DPP6: variants seen among roughly 807,000 people sequenced by gnomAD.
DPP6 encodes dipeptidyl peptidase like 6, also known as A-type potassium channel modulatory protein DPP6.
Under a neutral mutation model 122.6 loss-of-function variants are expected in DPP6, and 69 were observed. The ratio of observed to expected loss-of-function variants is 0.56; its 90% CI spans 0.46 to 0.69. The LOEUF (loss-of-function observed/expected upper bound fraction) is 0.69. Ranked by LOEUF, DPP6 falls within the 30% of genes least tolerant of loss-of-function variation. The pLI is 0.00. For missense variants in DPP6, 928 were observed against 1,116.9 expected (o/e 0.83, Z 2.41); for synonymous variants, 418 against 433.1 (o/e 0.97, Z 0.43).
In DPP6 at chr7:154,727,463, C is replaced by T. The variant is rs868654264; in HGVS notation, c.763-304C>T. ...ATTACAATTTGACATGAGATTTGGA[C>T]GGGGACACAAATCCAAACCATATCA... On this transcript the variant is annotated intron_variant, in intron 7 of 25. Transcript: ENST00000377770. Among the ~76,000 whole-genome samples, 59 of 152,144 alleles carry T rather than the reference C, an allele frequency of 3.9e-4. 1 individual carries two copies. The highest frequency in any genetic ancestry group is 1.3e-3 in the African/African-American group (55 of 41,420).
At chr7:154,055,719 C>G (rs1800768933) in intron 1 of DPP6, 1 of 152,206 alleles carries the variant, frequency 6.6e-6, no homozygotes, top group Non-Finnish European at 1.5e-5. Flanking sequence ...GTGCTGAAAC[C>G]TTCTCTTGGC....
chr7:154,336,508 C>G (rs895957821), intron 1 of DPP6, among the ~76,000 whole-genome samples: 1 of 152,214 alleles, frequency 6.6e-6, no homozygotes, highest in African/African-American at 2.4e-5. Flanking sequence ...TCCCGCAACA[C>G]TGGTACCATA....
intron 1 of DPP6, among the ~76,000 whole-genome samples, chr7:154,204,797 G>GTGTGTGTA (rs1353743054): frequency 6.6e-6 from 1 of 151,952 alleles, no homozygotes; most frequent in African/African-American, 2.4e-5. Context: ...GTGTGTGTGT[G>GTGTGTGTA]TCTGTACGTG....
chr7:154,164,259 TC>T (rs1797130010), intron 1 of DPP6, among the ~76,000 whole-genome samples: 1 of 140,376 alleles, frequency 7.1e-6, no homozygotes, highest in South Asian at 2.7e-4. Flanking sequence ...TCCTTCTCTT[TC>T]CCTCTCTCCC....
intron 7 of DPP6, among the ~76,000 whole-genome samples, chr7:154,685,560 A>G (rs768859130): frequency 3.0e-4 from 46 of 152,194 alleles, no homozygotes; most frequent in Non-Finnish European, 5.9e-4. Context: ...CTCTTTAATA[A>G]ACTTTGAAGT....
chr7:153,757,301 T>C, the DPP6 span, among the ~76,000 whole-genome samples: 6 of 152,346 alleles, frequency 3.9e-5, no homozygotes, highest in East Asian at 1.2e-3. Flanking sequence ...ATTTAGGCAT[T>C]ATGAGACATT....
chr7:154,518,787 C>G (rs949825011), intron 3 of DPP6, among the ~76,000 whole-genome samples: 2 of 152,096 alleles, frequency 1.3e-5, no homozygotes, highest in Admixed American at 1.3e-4. Flanking sequence ...ATAGGTGAAC[C>G]CAGATATGGT....
intron 1 of DPP6, among the ~76,000 whole-genome samples, chr7:153,916,699 ACCCGGC>A (rs1273264813): frequency 6.6e-6 from 1 of 151,886 alleles, no homozygotes; most frequent in Non-Finnish European, 1.5e-5. Flanking sequence ...GAGCTACTGC[ACCCGGC>A]CTTCTTTTTT....
intron 3 of DPP6, among the ~76,000 whole-genome samples, chr7:154,476,856 C>G (rs1822784532): frequency 6.6e-6 from 1 of 152,088 alleles, no homozygotes; most frequent in African/African-American, 2.4e-5. Flanking sequence ...CTTTGGGAAG[C>G]CGAGGCAGGC....
intron 1 of DPP6, among the ~76,000 whole-genome samples, chr7:154,062,172 G>A (rs1440637046): frequency 9.8e-6 from 1 of 101,934 alleles, no homozygotes; most frequent in Non-Finnish European, 2.2e-5. Flanking sequence ...GACCCACATC[G>A]TTGATCCTAA....
At chr7:154,651,521 G>T (rs1287635626) in intron 6 of DPP6, among the ~76,000 whole-genome samples, 1 of 152,026 alleles carries the variant, frequency 6.6e-6, no homozygotes, top group East Asian at 1.9e-4. Context: ...TTAATGATAC[G>T]AGCACCATGC....
chr7:154,123,720 AC>A (rs1234126559), intron 1 of DPP6, among the ~76,000 whole-genome samples: 2 of 149,022 alleles, frequency 1.3e-5, no homozygotes, highest in Non-Finnish European at 3.0e-5. Context: ...CACGGGGCTT[AC>A]CTGGGGACAG....
At chr7:154,266,518 G>T (rs1803429296) in intron 1 of DPP6, among the ~76,000 whole-genome samples, 1 of 152,212 alleles carries the variant, frequency 6.6e-6, no homozygotes, top group Non-Finnish European at 1.5e-5. Context: ...GGCAGAGGTT[G>T]CAGTGAGTGG....
intron 16 of DPP6, among the ~76,000 whole-genome samples, chr7:154,844,453 C>T (rs1240008932): frequency 6.6e-6 from 1 of 152,204 alleles, no homozygotes; most frequent in Non-Finnish European, 1.5e-5. Context: ...CAAAGTAGCA[C>T]AAATTTTGAG....
chr7:153,889,783 A>G (rs1164849995), intron 1 of DPP6, among the ~76,000 whole-genome samples: 2 of 152,228 alleles, frequency 1.3e-5, no homozygotes, highest in Non-Finnish European at 2.9e-5. Flanking sequence ...ATTCTACAGC[A>G]ACCCATATTT....
At chr7:154,794,233 C>T (rs1797868948) in intron 11 of DPP6, 31 bp downstream of exon 11, 1 of 1,576,254 alleles carries the variant, frequency 6.3e-7, no homozygotes, top group South Asian at 1.2e-5. Context: ...GGAGGGGAGA[C>T]GGGTGAAGAA....
chr7:153,945,448 A>T (rs1801905474), intron 1 of DPP6, among the ~76,000 whole-genome samples: 1 of 152,094 alleles, frequency 6.6e-6, no homozygotes, highest in Admixed American at 6.6e-5. Flanking sequence ...GGCAGTGGAG[A>T]TGGAATGAAG....
intron 1 of DPP6, among the ~76,000 whole-genome samples, chr7:153,916,525 C>T (rs1176482196): frequency 6.6e-6 from 1 of 151,718 alleles, no homozygotes; most frequent in African/African-American, 2.4e-5. Flanking sequence ...AATTCTGCCT[C>T]AGCCTCCCGA....
At chr7:154,106,808 C>T (rs4067489) in intron 1 of DPP6, among the ~76,000 whole-genome samples, 59 of 152,096 alleles carry the variant, frequency 3.9e-4, no homozygotes, top group South Asian at 2.5e-3. Flanking sequence ...TGGGGAGGGA[C>T]GGATGAAGGT....
Sources: allele counts gnomAD v4.1 joint callset (sites outside exome capture counted in the v4.1 genomes callset), GRCh38; gene constraint gnomAD v4.1.1; transcripts MANE v1.5; gene names NCBI Gene and HGNC (gene_info 2026-07-23, HGNC 2026-07-21).